Variants in B4GALT6 observed in about 807,000 individuals in gnomAD.
B4GALT6 encodes UDP-Gal:beta-GlcNAc beta-1,4-galactosyltransferase 6.
A neutral mutation model predicts 46.3 loss-of-function variants in B4GALT6; 14 were observed. The observed-to-expected ratio is 0.30, with a 90% CI of 0.20 to 0.47. The LOEUF is 0.47. B4GALT6 is among the 20% of genes least tolerant of loss of function. B4GALT6 has a pLI of 0.99. For missense variants in B4GALT6, 386 were observed against 480.1 expected, an observed-to-expected ratio of 0.80 and a Z score of 1.83; for synonymous variants, 168 against 162.0, an observed-to-expected ratio of 1.04 and a Z score of -0.28.
chr18:31,676,812 A>G (rs1350181001), intron 1 of B4GALT6, among the ~76,000 whole-genome samples: 1 of 152,212 alleles, frequency 6.6e-6, no homozygotes, highest in Non-Finnish European at 1.5e-5. Flanking sequence ...CGTGTTAAAA[A>G]TTAATCAGAA....
the B4GALT6 span, among the ~76,000 whole-genome samples, chr18:31,700,004 G>C: frequency 6.6e-6 from 1 of 152,150 alleles, no homozygotes; most frequent in East Asian, 1.9e-4. Context: ...TAGTGGGAAA[G>C]AAGAAGGATC....
the B4GALT6 span, among the ~76,000 whole-genome samples, chr18:31,696,648 C>T: frequency 6.6e-6 from 1 of 152,116 alleles, no homozygotes. Flanking sequence ...TATTTCATTT[C>T]AATTTGTTTT....
At chr18:31,703,780 T>A in the B4GALT6 span, among the ~76,000 whole-genome samples, 1 of 152,154 alleles carries the variant, frequency 6.6e-6, no homozygotes, top group Non-Finnish European at 1.5e-5. Context: ...CAAGGACAAA[T>A]CTGTCTCAGG....
chr18:31,639,833 G>A (rs887173939), intron 4 of B4GALT6, among the ~76,000 whole-genome samples: 1 of 152,154 alleles, frequency 6.6e-6, no homozygotes, highest in East Asian at 1.9e-4. Flanking sequence ...ATGTTTTAGT[G>A]TAATACAAGA....
At chr18:31,692,848 T>A in the B4GALT6 span, among the ~76,000 whole-genome samples, 1 of 152,164 alleles carries the variant, frequency 6.6e-6, no homozygotes, top group African/African-American at 2.4e-5. Flanking sequence ...AAGAAACATA[T>A]GCACACTTAC....
chr18:31,717,375 A>T, the B4GALT6 span, among the ~76,000 whole-genome samples: 2 of 152,342 alleles, frequency 1.3e-5, no homozygotes, highest in African/African-American at 2.4e-5. Flanking sequence ...GAAAAGAGGC[A>T]CAAGGGGAGT....
At position 31,666,274 on chromosome 18, in the gene B4GALT6, T is replaced by G. The variant is rs530028563; in HGVS notation, c.214A>C (p.Ser72Arg). ...HMIRLYTNKN[S>R]TLNGTDYPEG... ...GTCTTACCTGTACCGTTGAGCGTAC[T>G]GTTTTTATTTGTGTACAGCCTGATC... Residue 72 changes from serine to arginine, a missense_variant, in exon 2 of 9, where the codon AGT becomes CGT. Physicochemically the swap from Ser to Arg is moderately radical, Grantham distance 110. Transcript: ENST00000306851. The G allele has an allele frequency of 2.8e-5, 45 of 1,598,158 alleles. 2 individuals are homozygous for G. In the East Asian group the frequency reaches 1.0e-3, roughly 36 times the overall value.
At chr18:31,688,286 T>A (rs947841775), upstream of B4GALT6, among the ~76,000 whole-genome samples, 1 of 150,126 alleles carries the variant, frequency 6.7e-6, no homozygotes, top group Non-Finnish European at 1.5e-5. Flanking sequence ...CACACACATA[T>A]GTAATTCCAA....
At chr18:31,697,036 T>C in the B4GALT6 span, among the ~76,000 whole-genome samples, 1 of 152,146 alleles carries the variant, frequency 6.6e-6, no homozygotes, top group Non-Finnish European at 1.5e-5. Flanking sequence ...TTAAGGAAGC[T>C]GAGGCAAGTG....
At chr18:31,660,434 T>C (rs1377095648) in intron 2 of B4GALT6, among the ~76,000 whole-genome samples, 1 of 152,178 alleles carries the variant, frequency 6.6e-6, no homozygotes, top group African/African-American at 2.4e-5. Flanking sequence ...ATTACTATTG[T>C]TATGAGTTTT....
Position 31,625,580 on chromosome 18 carries a change from A to G in B4GALT6, c.*34T>C. 1 of 1,611,808 alleles carries G rather than the reference A, an allele frequency of 6.2e-7. No individual in the cohort carries two copies. The highest frequency in any genetic ancestry group is 8.5e-7 in the Non-Finnish European group (1 of 1,179,246). On this transcript the variant is annotated 3_prime_UTR_variant, in exon 9 of 9. Transcript: ENST00000306851. The stretch of plus-strand genomic sequence containing the variant: ...GCGCGCTCCAAGTTTATGATCCAGC[A>G]TTGTGGTCTACCTTGCCACGACAGC...
upstream of B4GALT6, among the ~76,000 whole-genome samples, chr18:31,689,834 A>G (rs879598731): frequency 5.9e-5 from 9 of 152,184 alleles, no homozygotes; most frequent in Non-Finnish European, 1.3e-4. Flanking sequence ...CTTGGCACCT[A>G]TGTAACCCAG....
chr18:31,682,540 A>C (rs1029032570), intron 1 of B4GALT6, among the ~76,000 whole-genome samples: 2 of 152,246 alleles, frequency 1.3e-5, no homozygotes, highest in Non-Finnish European at 2.9e-5. Context: ...CATTCAAATA[A>C]GGAAAATTTA....
upstream of B4GALT6, among the ~76,000 whole-genome samples, chr18:31,689,341 G>A (rs923277142): frequency 3.9e-5 from 6 of 152,124 alleles, no homozygotes; most frequent in African/African-American, 1.2e-4. Context: ...GAAGGTGGGA[G>A]GGCAGACAAG....
At chr18:31,708,542 G>A in the B4GALT6 span, among the ~76,000 whole-genome samples, 2 of 152,016 alleles carry the variant, frequency 1.3e-5, no homozygotes, top group Non-Finnish European at 2.9e-5. Flanking sequence ...TCCAGCCTGG[G>A]AGACAGAGTG....
chr18:31,700,572 T>C, the B4GALT6 span, among the ~76,000 whole-genome samples: 2 of 151,956 alleles, frequency 1.3e-5, no homozygotes, highest in Admixed American at 6.6e-5. Context: ...TTCTCCTGCC[T>C]CAGCCTCTCA....
At chr18:31,670,643 G>A (rs2074340434) in intron 1 of B4GALT6, among the ~76,000 whole-genome samples, 1 of 152,200 alleles carries the variant, frequency 6.6e-6, no homozygotes, top group Admixed American at 6.5e-5. Context: ...TCACAGGGTT[G>A]CAAGACACAC....
intron 4 of B4GALT6, among the ~76,000 whole-genome samples, chr18:31,642,056 C>A (rs886892449): frequency 6.6e-6 from 1 of 152,184 alleles, no homozygotes; most frequent in African/African-American, 2.4e-5. Context: ...TCTTCCTATT[C>A]CTCCTCATTT....
At chr18:31,658,330 C>A in intron 2 of B4GALT6, 1 of 319,082 alleles carries the variant, frequency 3.1e-6, no homozygotes. Flanking sequence ...ACAGACATGG[C>A]AGTCCCACTT....
Sources: allele counts gnomAD v4.1 joint callset (sites outside exome capture counted in the v4.1 genomes callset), GRCh38; gene constraint gnomAD v4.1.1; transcripts MANE v1.5; gene names NCBI Gene and HGNC (gene_info 2026-07-23, HGNC 2026-07-21).